Variants in POLE observed in about 807,000 individuals in gnomAD.
The protein encoded by POLE is DNA polymerase epsilon catalytic subunit A.
In POLE, 188 loss-of-function variants were observed where a neutral mutation model predicts 279.2. The observed-to-expected ratio is 0.67, with a 90% CI of 0.60 to 0.76. POLE has a LOEUF of 0.76. Ranked by LOEUF, POLE falls within the 30% of genes least tolerant of loss-of-function variation. The pLI is 0.00. For missense variants in POLE, 2,703 were observed against 3,016.7 expected (o/e 0.90, Z 2.44); for synonymous variants, 1,214 against 1,172.5 (o/e 1.04, Z -0.72).
rs1555229224 is a variant in POLE, at chr12:132,675,788, G to A, written c.1053C>T (p.Val351=). The A allele has an allele frequency of 6.2e-7, 1 of 1,614,182 alleles. No homozygotes were observed. Among genetic ancestry groups the A allele is most frequent in the South Asian group, 1.1e-5 (1 of 91,076 alleles). ...AHLIQRWFEH[V]QETKPTIMVT... ...CCATGATGGTGGGTTTGGTCTCCTGGACGTGTTCAAACCACCTTTGGATCA... is the reference window on the plus strand; with the variant it reads ...CCATGATGGTGGGTTTGGTCTCCTGAACGTGTTCAAACCACCTTTGGATCA... The change falls in exon 11 of 49, where the codon GTC becomes GTT. Residue 351 remains valine, a synonymous_variant. Transcript: ENST00000320574. This position sits in a 1 kb window ranked among gnomAD's most constrained non-coding sequence, Gnocchi z 4.3.
Position 132,679,585 on chromosome 12 carries a change from C to T in POLE, c.490G>A (p.Val164Ile), listed in dbSNP as rs770769315. ...RLSFHTVEDL[V>I]KVRKEISPAV... ...GGGGAGATCTCCTTCCTCACTTTGA[C>T]AAGATCCTCCACAGTGTGGAAGGAC... is the stretch of plus-strand genomic sequence containing the variant. The change falls in exon 6 of 49, where the codon GTC becomes ATC. Residue 164 changes from valine (V) to isoleucine (I), a missense_variant. By Grantham distance (29) the Val-to-Ile change is conservative. Around this residue, in one of 5 missense-constraint regions of POLE, gnomAD observed 1,011 missense variants for 1,111.7 expected, o/e 0.91. Transcript: ENST00000320574. 1.2e-6 allele frequency: 2 copies of T among 1,614,122 alleles called. No homozygotes were observed. The highest frequency in any genetic ancestry group is 1.7e-6 in the Non-Finnish European group (2 of 1,179,958).
At chr12:132,652,314 CTTTTTTTTTTT>C (rs11449205) in intron 29 of POLE, among the ~76,000 whole-genome samples, 3 of 111,184 alleles carry the variant, frequency 2.7e-5, no homozygotes, top group African/African-American at 3.7e-5. Flanking sequence ...TTGTAGTTTC[CTTTTTTTTTTT>C]TTTTTTTTTT....
intron 10 of POLE, 54 bp downstream of exon 10, chr12:132,676,040 A>C: frequency 8.3e-7 from 1 of 1,200,176 alleles, no homozygotes. Context: ...GGAAAGATCC[A>C]CATGTCCGTT....
In POLE at chr12:132,645,550, G is replaced by A. The variant is rs563079474; in HGVS notation, c.4150-1573C>T. The stretch of plus-strand genomic sequence containing the variant: ...GACATTGGAAGCTTTGCACAAAGAG[G>A]CAAGGAAGAGCTTGGGCACTGGAAT... On this transcript the variant is annotated intron_variant, in intron 32 of 48. Transcript: ENST00000320574. Among the ~76,000 whole-genome samples, 31 of 152,322 alleles carry A rather than the reference G, an allele frequency of 2.0e-4. 1 individual carries two copies. The South Asian group carries it at 4.8e-3, about 23-fold the overall frequency.
chr12:132,677,588 T>G lies in POLE; in HGVS notation c.710A>C (p.Lys237Thr), dbSNP rs879762286. The G allele has an allele frequency of 1.2e-6, 2 of 1,614,102 alleles. No homozygotes were observed. The highest frequency in any genetic ancestry group is 1.7e-6 in the Non-Finnish European group (2 of 1,180,044). ...PYHIRLSIDLKIHVAHWYNVR... is the reference protein window; with the variant it reads ...PYHIRLSIDLTIHVAHWYNVR... ...CCCTGCCCCACTCACCACGTGGATC[T>G]TCAGGTCAATGGAGAGGCGGATGTG... is the stretch of plus-strand genomic sequence containing the variant. Residue 237 changes from lysine to threonine, a missense_variant, in exon 7 of 49, where the codon AAG becomes ACG. Coordinates refer to ENST00000320574, the MANE Select transcript of POLE (RefSeq NM_006231.4).
rs780689443 is a variant in POLE, at chr12:132,668,622, G to A, written c.2026+13C>T. 7.5e-6 allele frequency: 12 copies of A among 1,605,382 alleles called. No homozygotes were observed. The highest frequency in any genetic ancestry group is 1.7e-5 in the Admixed American group (1 of 59,810). On this transcript the variant is annotated intron_variant, in intron 18 of 48. Transcript: ENST00000320574. The surrounding 1 kb of genome is among the most constrained non-coding windows in gnomAD (Gnocchi z 4.0). ...TTTCCCACCGAGTGCCCACCCAGGC[G>A]GCCGACACTCACTGAACTCGCCCCT...
chr12:132,661,704 A>T lies in POLE; in HGVS notation c.2707-20T>A. The T allele has an allele frequency of 6.2e-7, 1 of 1,612,736 alleles. No individual in the cohort carries two copies. Among genetic ancestry groups the T allele is most frequent in the Non-Finnish European group, 8.5e-7 (1 of 1,179,230 alleles). On this transcript the variant is annotated intron_variant, in intron 23 of 48. Coordinates refer to ENST00000320574, the MANE Select transcript of POLE (RefSeq NM_006231.4). This position sits in a 1 kb window ranked among gnomAD's most constrained non-coding sequence, Gnocchi z 4.1. ...GCCTTCCTGAGAAACAAGAGTGAAGAGGGGGCAGCTTCACTCATGATGGCC... is the reference window on the plus strand; with the variant it reads ...GCCTTCCTGAGAAACAAGAGTGAAGTGGGGGCAGCTTCACTCATGATGGCC...
At chr12:132,652,993 T>C (rs1204138025) in intron 29 of POLE, among the ~76,000 whole-genome samples, 1 of 152,250 alleles carries the variant, frequency 6.6e-6, no homozygotes, top group Non-Finnish European at 1.5e-5. Flanking sequence ...TGAATTAATA[T>C]GGGGCAAACT....
At chr12:132,626,362 C>A in intron 45 of POLE, 45 bp from the exon 46 acceptor site, 1 of 1,581,072 alleles carries the variant, frequency 6.3e-7, no homozygotes. Flanking sequence ...CCCGGGGCCT[C>A]CCTGCTGCTC....
chr12:132,643,976 AC>A lies in POLE; in HGVS notation c.4150del (p.Val1384Ter). The A allele has an allele frequency of 6.2e-7, 1 of 1,612,600 alleles. No individual in the cohort carries two copies. The highest frequency in any genetic ancestry group is 8.5e-7 in the Non-Finnish European group (1 of 1,178,760). On this transcript the variant is annotated frameshift_variant and splice_region_variant, in exon 33 of 49. Coordinates refer to ENST00000320574, the MANE Select transcript of POLE (RefSeq NM_006231.4). LOFTEE classifies it high-confidence loss of function. ...GTTGGAGCGAGGAAGGACCCGATTTACCTGGCGAGAATACGACGATGATCTC... is the reference window on the plus strand; with the variant it reads ...GTTGGAGCGAGGAAGGACCCGATTTACTGGCGAGAATACGACGATGATCTC... ...KAEEGASYRK[V>X]NRVLPRSNMV... is the part of the protein sequence containing the mutation.
chr12:132,628,352 A>G (rs574165768), intron 45 of POLE, among the ~76,000 whole-genome samples: 1 of 142,574 alleles, frequency 7.0e-6, no homozygotes, highest in Admixed American at 7.1e-5. Context: ...AAAAAAAACT[A>G]CTTTTTTGGG....
rs150388710 is a variant in POLE, at chr12:132,683,705, T to C, written c.63-2426A>G. Among the ~76,000 whole-genome samples the C allele has an allele frequency of 9.2e-5, 14 of 152,346 alleles. No individual in the cohort carries two copies. The East Asian group carries it at 2.7e-3, about 29-fold the overall frequency. On this transcript the variant is annotated intron_variant, in intron 1 of 48. Transcript: ENST00000320574. ...GTGCTATTTACGAGGCATCACCTCT[T>C]AACAGGGGCGCACGGCCCTCTATGC...
intron 3 of POLE, 95 bp from the exon 4 acceptor site, chr12:132,680,317 G>C: frequency 8.4e-7 from 1 of 1,193,130 alleles, no homozygotes. Context: ...CCCATGAACA[G>C]CCTAGGGCCA....
chr12:132,662,470 T>C (rs2042701576), intron 23 of POLE, among the ~76,000 whole-genome samples: 1 of 152,192 alleles, frequency 6.6e-6, no homozygotes, highest in South Asian at 2.1e-4. Flanking sequence ...GGCAGACTCA[T>C]GTGTTTAAAT....
chr12:132,686,025 G>A (rs1381183130), intron 1 of POLE, among the ~76,000 whole-genome samples: 4 of 152,002 alleles, frequency 2.6e-5, no homozygotes, highest in African/African-American at 4.8e-5. Flanking sequence ...ACAGGCATGC[G>A]CCACCACGCC....
chr12:132,629,633 G>C (rs950728982), intron 45 of POLE, among the ~76,000 whole-genome samples: 1 of 152,218 alleles, frequency 6.6e-6, no homozygotes, highest in Non-Finnish European at 1.5e-5. Context: ...CAGAGTGAGA[G>C]CCTTGCTCTG....
rs2138555263 is a variant in POLE, at chr12:132,643,630, G to T, written c.4291-70C>A. 1.9e-6 allele frequency: 3 copies of T among 1,599,044 alleles called. No individual in the cohort carries two copies. In the South Asian group the frequency reaches 3.3e-5, roughly 18 times the overall value. On this transcript the variant is annotated intron_variant, in intron 33 of 48. Coordinates refer to ENST00000320574, the MANE Select transcript of POLE (RefSeq NM_006231.4). ...GGCTCTGGCTGCCCACGTGACTTCTGCCCGGGATGTGGCTGTGCCCCTGCA... is the reference window on the plus strand; with the variant it reads ...GGCTCTGGCTGCCCACGTGACTTCTTCCCGGGATGTGGCTGTGCCCCTGCA...
chr12:132,647,414 A>G (rs1449895726), intron 32 of POLE, among the ~76,000 whole-genome samples: 1 of 152,166 alleles, frequency 6.6e-6, no homozygotes, highest in Non-Finnish European at 1.5e-5. Context: ...TGAAAATTAA[A>G]AATAATTTAA....
rs1285538355 is a variant in POLE at position 132,641,734 on chromosome 12, G to A, written c.5291C>T (p.Ala1764Val). ...ACCCGTGATCATGTCCTCCAGGGAG[G>A]CCTGCTGGATCACGTCGAAGCTGAT... ...MGISFDVIQQASLEDMITGGQ... is the reference protein window; with the variant it reads ...MGISFDVIQQVSLEDMITGGQ... Residue 1764 changes from alanine to valine, a missense_variant, in exon 39 of 49, where the codon GCC becomes GTC. Physicochemically the swap from Ala to Val is moderately conservative, Grantham distance 64. Coordinates refer to ENST00000320574, the MANE Select transcript of POLE (RefSeq NM_006231.4). The A allele has an allele frequency of 6.2e-7, 1 of 1,612,920 alleles. No homozygotes were observed. The highest frequency in any genetic ancestry group is 1.7e-5 in the Admixed American group (1 of 60,022).
Sources: gnomAD v4.1 joint callset for allele counts (sites outside exome capture counted in the v4.1 genomes callset) on GRCh38, gnomAD v4.1.1 for gene constraint, gnomAD v4.1.1 regional missense constraint, Gnocchi (gnomAD v3.1) non-coding constraint, MANE v1.5 for transcripts, NCBI Gene and HGNC (gene_info 2026-07-23, HGNC 2026-07-21) for gene names.